Variants in FOXP1 observed in about 807,000 individuals in gnomAD.
FOXP1 encodes forkhead box protein P1.
A neutral mutation model predicts 98.2 loss-of-function variants in FOXP1; 15 were observed. The observed-to-expected ratio is 0.15, with a 90% CI of 0.10 to 0.24. The LOEUF is 0.24. Among genes scored for constraint, FOXP1 ranks in the 10% least tolerant of loss-of-function variants. The probability of loss-of-function intolerance (pLI) is 1.00; values close to 1 mark genes in which losing one functional copy is unlikely to be tolerated. For synonymous variants in FOXP1, 371 were observed against 314.5 expected, an observed-to-expected ratio of 1.18 and a Z score of -1.90; for missense variants, 633 against 848.5, an observed-to-expected ratio of 0.75 and a Z score of 3.15.
At chr3:71,324,050 C>T (rs2075543238) in intron 4 of FOXP1, among the ~76,000 whole-genome samples, 1 of 151,892 alleles carries the variant, frequency 6.6e-6, no homozygotes, top group Non-Finnish European at 1.5e-5. Context: ...AATTTATAAT[C>T]ATATCTATCA....
chr3:71,370,010 C>G (rs1577170217), intron 3 of FOXP1, among the ~76,000 whole-genome samples: 1 of 152,248 alleles, frequency 6.6e-6, no homozygotes, highest in South Asian at 2.1e-4. Flanking sequence ...AAATGACCTG[C>G]AAGCCATTAA....
rs59404230 is a variant in FOXP1, at chr3:71,232,877, CAAAAA to C, written c.-11-34490_-11-34486del. On this transcript the variant is annotated intron_variant, in intron 5 of 20. Transcript: ENST00000649528. ...CGTGCCACAGAGCAAAACTCTGTCT[CAAAAA>C]AAAAAAAAAAAAAAGCAAGAAAAAT... Among the ~76,000 whole-genome samples the C allele has an allele frequency of 2.9e-4, 9 of 31,422 alleles. 1 individual carries two copies. The highest frequency in any genetic ancestry group is 7.4e-4 in the African/African-American group (7 of 9,396). The allele number at this position is 31,422 out of a possible 152,430, so 20.6% of individuals were successfully genotyped here. A position where few individuals can be genotyped will look rare whatever the true frequency, so the allele number is the denominator to read the frequency against.
At chr3:70,971,094 T>G (rs1484850878) in intron 18 of FOXP1, 4 of 407,552 alleles carry the variant, frequency 9.8e-6, no homozygotes, top group Non-Finnish European at 1.9e-5. Context: ...TTTTTAGGAG[T>G]TAGCCTGACT....
intron 6 of FOXP1, among the ~76,000 whole-genome samples, chr3:71,166,585 A>G (rs2061409897): frequency 6.6e-6 from 1 of 152,156 alleles, no homozygotes; most frequent in Non-Finnish European, 1.5e-5. Context: ...TTTGTGCTTG[A>G]GACCACTACT....
intron 3 of FOXP1, among the ~76,000 whole-genome samples, chr3:71,429,497 G>C (rs1045976199): frequency 7.4e-6 from 1 of 136,024 alleles, no homozygotes; most frequent in Admixed American, 7.3e-5. Context: ...GGGGCGGGAG[G>C]GGGGGTACTG....
intron 3 of FOXP1, among the ~76,000 whole-genome samples, chr3:71,393,654 G>C (rs969907710): frequency 4.6e-5 from 7 of 152,168 alleles, no homozygotes; most frequent in Admixed American, 2.0e-4. Flanking sequence ...ACTTGAAAAT[G>C]ATTTCTAAGC....
At chr3:71,488,230 C>T (rs1374605712) in intron 3 of FOXP1, among the ~76,000 whole-genome samples, 1 of 152,180 alleles carries the variant, frequency 6.6e-6, no homozygotes, top group African/African-American at 2.4e-5. Context: ...AACAATGTTA[C>T]AGCTTCTGAA....
intron 3 of FOXP1, among the ~76,000 whole-genome samples, chr3:71,430,510 AAG>A (rs2084610649): frequency 6.6e-6 from 1 of 152,048 alleles, no homozygotes; most frequent in African/African-American, 2.4e-5. Flanking sequence ...AGAGGAAAGA[AAG>A]AAAAAAAAAA....
intron 5 of FOXP1, among the ~76,000 whole-genome samples, chr3:71,204,455 T>C (rs757786300): frequency 9.2e-5 from 14 of 152,116 alleles, no homozygotes; most frequent in Non-Finnish European, 1.9e-4. Flanking sequence ...GGTGTTACTC[T>C]CTTCACAACA....
intron 7 of FOXP1, 26 bp from the exon 8 acceptor site, chr3:71,053,799 G>A: frequency 6.2e-7 from 1 of 1,613,680 alleles, no homozygotes; most frequent in Non-Finnish European, 8.5e-7. Flanking sequence ...AGGATAAATA[G>A]GAAGCCAGGA....
intron 3 of FOXP1, among the ~76,000 whole-genome samples, chr3:71,429,268 C>A (rs1424139225): frequency 1.3e-5 from 2 of 152,156 alleles, no homozygotes; most frequent in African/African-American, 4.8e-5. Flanking sequence ...TGGGTTCTGT[C>A]TGTCTTCACC....
intron 5 of FOXP1, among the ~76,000 whole-genome samples, chr3:71,209,079 C>T (rs1242797862): frequency 1.3e-5 from 2 of 152,164 alleles, no homozygotes; most frequent in African/African-American, 4.8e-5. Flanking sequence ...CCGCTTAACT[C>T]TTTACTGGTG....
intron 6 of FOXP1, among the ~76,000 whole-genome samples, chr3:71,195,320 T>C (rs558744684): frequency 6.6e-6 from 1 of 152,316 alleles, no homozygotes; most frequent in South Asian, 2.1e-4. Flanking sequence ...TTTGCTGTAA[T>C]TTGTAATTAT....
At chr3:71,469,429 C>G (rs1205342327) in intron 3 of FOXP1, among the ~76,000 whole-genome samples, 3 of 152,194 alleles carry the variant, frequency 2.0e-5, no homozygotes, top group African/African-American at 7.2e-5. Flanking sequence ...CCCAGAAAAC[C>G]ACCCCTTCTA....
At chr3:71,353,487 G>A (rs1261085797) in intron 4 of FOXP1, among the ~76,000 whole-genome samples, 1 of 151,574 alleles carries the variant, frequency 6.6e-6, no homozygotes, top group South Asian at 2.1e-4. Context: ...TTTTTTTTCT[G>A]ATTTATTCAC....
chr3:71,264,151 G>C (rs943186880), intron 5 of FOXP1, among the ~76,000 whole-genome samples: 28 of 152,146 alleles, frequency 1.8e-4, no homozygotes, highest in African/African-American at 6.0e-4. Context: ...AGAGTTTTAG[G>C]GTAAGAAGCA....
intron 11 of FOXP1, among the ~76,000 whole-genome samples, chr3:71,033,602 CAAAAAAA>C (rs35470748): frequency 0.097 from 6,904 of 71,004 alleles, 596 homozygotes; most frequent in African/African-American, 0.22. Flanking sequence ...AGTGAACAGT[CAAAAAAA>C]AAAAAAAAAA....
chr3:71,057,684 G>A (rs1178962436), intron 7 of FOXP1, among the ~76,000 whole-genome samples: 3 of 151,986 alleles, frequency 2.0e-5, no homozygotes, highest in Non-Finnish European at 2.9e-5. Context: ...TTAAAAAAAC[G>A]CACACAGTTA....
chr3:71,048,117 C>CT (rs1260951243), intron 9 of FOXP1, among the ~76,000 whole-genome samples: 1 of 151,954 alleles, frequency 6.6e-6, no homozygotes, highest in Non-Finnish European at 1.5e-5. Flanking sequence ...AAAAGGAAAA[C>CT]TAACCCTTCC....
Sources: gnomAD v4.1 joint callset for allele counts (sites outside exome capture counted in the v4.1 genomes callset) on GRCh38, gnomAD v4.1.1 for gene constraint, MANE v1.5 for transcripts, NCBI Gene and HGNC (gene_info 2026-07-23, HGNC 2026-07-21) for gene names.